GRIP1: variants seen among roughly 807,000 people sequenced by gnomAD.
GRIP1 encodes glutamate receptor interacting protein 1.
A neutral mutation model predicts 129.9 loss-of-function variants in GRIP1; 45 were observed. That is an observed-to-expected ratio of 0.35 (90% CI 0.27 to 0.44). GRIP1 has a LOEUF of 0.44. Among genes scored for constraint, GRIP1 ranks in the 20% least tolerant of loss-of-function variants. GRIP1 has a pLI of 1.00. For missense variants in GRIP1, 1,196 were observed against 1,396.8 expected (o/e 0.86, Z 2.29); for synonymous variants, 530 against 520.8 (o/e 1.02, Z -0.24).
At chr12:67,004,374 T>C (rs1271244427) in intron 1 of GRIP1, among the ~76,000 whole-genome samples, 1 of 152,190 alleles carries the variant, frequency 6.6e-6, no homozygotes, top group Non-Finnish European at 1.5e-5. Flanking sequence ...GAGAACTTGG[T>C]AGGTGAAGGA....
intron 15 of GRIP1, among the ~76,000 whole-genome samples, chr12:66,414,849 G>A (rs918914441): frequency 2.6e-5 from 4 of 151,460 alleles, no homozygotes; most frequent in Non-Finnish European, 5.9e-5. Flanking sequence ...ATGGGAAAAG[G>A]ATTCCCAATT....
chr12:66,957,351 A>G (rs898105068), intron 1 of GRIP1, among the ~76,000 whole-genome samples: 7 of 151,870 alleles, frequency 4.6e-5, no homozygotes, highest in Admixed American at 6.6e-5. Flanking sequence ...TAATTAAATA[A>G]TCAATATTGA....
chr12:66,861,805 T>C (rs1477788304), intron 1 of GRIP1, among the ~76,000 whole-genome samples: 3 of 152,110 alleles, frequency 2.0e-5, no homozygotes, highest in Non-Finnish European at 4.4e-5. Context: ...AATCCTAAAA[T>C]TGGTCAAAAT....
chr12:66,391,918 A>T (rs1476843687), intron 19 of GRIP1, among the ~76,000 whole-genome samples: 3 of 152,122 alleles, frequency 2.0e-5, no homozygotes, highest in African/African-American at 7.2e-5. Flanking sequence ...CTAATCTCTT[A>T]TGCACCTCTT....
At chr12:66,899,337 G>A (rs1307303998) in intron 1 of GRIP1, among the ~76,000 whole-genome samples, 1 of 125,062 alleles carries the variant, frequency 8.0e-6, no homozygotes, top group African/African-American at 2.6e-5. Flanking sequence ...GACATCATTG[G>A]AAAGAAACTG....
intron 1 of GRIP1, among the ~76,000 whole-genome samples, chr12:67,019,454 G>T (rs532614322): frequency 6.6e-6 from 1 of 152,156 alleles, no homozygotes; most frequent in African/African-American, 2.4e-5. Flanking sequence ...AGGAAGGAAG[G>T]GCAGTATGTT....
At chr12:66,834,411 T>G (rs766941440) in intron 1 of GRIP1, among the ~76,000 whole-genome samples, 1 of 152,118 alleles carries the variant, frequency 6.6e-6, no homozygotes, top group South Asian at 2.1e-4. Flanking sequence ...TAGCTTAGTA[T>G]GTGCATGAGA....
chr12:66,957,226 C>T (rs1002677606), intron 1 of GRIP1, among the ~76,000 whole-genome samples: 3 of 152,134 alleles, frequency 2.0e-5, no homozygotes, highest in Middle Eastern at 3.4e-3. Context: ...GAAGACACAA[C>T]GAGAAGATGG....
intron 1 of GRIP1, among the ~76,000 whole-genome samples, chr12:66,619,960 CTCT>C (rs1406022049): frequency 2.0e-5 from 3 of 152,196 alleles, no homozygotes; most frequent in Non-Finnish European, 2.9e-5. Flanking sequence ...GTAGCAACAA[CTCT>C]TCTTTAGAAA....
At chr12:66,477,014 G>A (rs1414847233) in intron 7 of GRIP1, among the ~76,000 whole-genome samples, 1 of 152,196 alleles carries the variant, frequency 6.6e-6, no homozygotes, top group African/African-American at 2.4e-5. Context: ...CATAGTGTTG[G>A]AAGTTCTAGC....
intron 1 of GRIP1, among the ~76,000 whole-genome samples, chr12:66,786,719 G>T (rs2038357454): frequency 6.6e-6 from 1 of 152,044 alleles, no homozygotes; most frequent in South Asian, 2.1e-4. Context: ...GACTCCCAAG[G>T]GTCCTCACAT....
chr12:66,999,089 T>C (rs1359440636), intron 1 of GRIP1, among the ~76,000 whole-genome samples: 1 of 152,090 alleles, frequency 6.6e-6, no homozygotes, highest in African/African-American at 2.4e-5. Context: ...ATTTTCTTCA[T>C]AACAATGATA....
chr12:66,722,921 A>G (rs1031694161), intron 1 of GRIP1, among the ~76,000 whole-genome samples: 2 of 152,112 alleles, frequency 1.3e-5, no homozygotes, highest in African/African-American at 4.8e-5. Context: ...TGTCTCCTAT[A>G]ACTTTATTTT....
intron 1 of GRIP1, among the ~76,000 whole-genome samples, chr12:66,712,825 T>C (rs193182610): frequency 5.3e-5 from 8 of 152,172 alleles, no homozygotes; most frequent in African/African-American, 1.9e-4. Flanking sequence ...GCACTTATTT[T>C]GAATTCCTAG....
At chr12:66,945,464 C>T (rs2041653124) in intron 1 of GRIP1, among the ~76,000 whole-genome samples, 1 of 152,112 alleles carries the variant, frequency 6.6e-6, no homozygotes, top group Non-Finnish European at 1.5e-5. Flanking sequence ...AAGCATGGTG[C>T]TGCCACCTGC....
intron 1 of GRIP1, among the ~76,000 whole-genome samples, chr12:67,043,612 C>T (rs966945365): frequency 1.3e-5 from 2 of 152,108 alleles, no homozygotes; most frequent in African/African-American, 2.4e-5. Context: ...TTCTACGCCC[C>T]CCATTCTCAC....
intron 16 of GRIP1, 63 bp from the exon 17 acceptor site, chr12:66,394,415 T>G (rs569825242): frequency 7.6e-7 from 1 of 1,315,966 alleles, no homozygotes; most frequent in African/African-American, 1.4e-5. Flanking sequence ...GTAAGATGCA[T>G]AGATTCATAC....
chr12:66,405,984 C>A (rs1211574247), intron 16 of GRIP1, among the ~76,000 whole-genome samples: 1 of 152,124 alleles, frequency 6.6e-6, no homozygotes, highest in African/African-American at 2.4e-5. Context: ...CCAATAAAAA[C>A]TAGAAAACTA....
At chr12:66,500,659 A>G (rs1423745167) in intron 7 of GRIP1, among the ~76,000 whole-genome samples, 1 of 152,180 alleles carries the variant, frequency 6.6e-6, no homozygotes, top group Non-Finnish European at 1.5e-5. Flanking sequence ...AGGAGAGGTG[A>G]TCTGTGTAAT....
Sources: gnomAD v4.1 joint callset for allele counts (sites outside exome capture counted in the v4.1 genomes callset) on GRCh38, gnomAD v4.1.1 for gene constraint, MANE v1.5 for transcripts, NCBI Gene and HGNC (gene_info 2026-07-23, HGNC 2026-07-21) for gene names.